TYW1: variants seen among roughly 807,000 people sequenced by gnomAD.
TYW1 encodes the protein S-adenosyl-L-methionine-dependent tRNA 4-demethylwyosine synthase TYW1.
In TYW1, 46 loss-of-function variants were observed where a neutral mutation model predicts 96.2. The ratio of observed to expected loss-of-function variants is 0.48; its 90% CI spans 0.38 to 0.61. The LOEUF (loss-of-function observed/expected upper bound fraction) is 0.61, where lower values mean the gene tolerates loss of function less well. Ranked by LOEUF, TYW1 falls within the 20% of genes least tolerant of loss-of-function variation. TYW1 has a pLI of 0.00. For synonymous variants in TYW1, 274 were observed against 323.0 expected, an observed-to-expected ratio of 0.85 and a Z score of 1.63; for missense variants, 684 against 909.6, an observed-to-expected ratio of 0.75 and a Z score of 3.19.
intron 13 of TYW1, among the ~76,000 whole-genome samples, chr7:67,179,946 C>T (rs1471992894): frequency 1.0e-5 from 1 of 100,454 alleles, no homozygotes; most frequent in Non-Finnish European, 2.1e-5. Context: ...CTCACGGCAG[C>T]CTCCACCTCC....
chr7:67,113,135 C>T (rs996870475), intron 12 of TYW1, among the ~76,000 whole-genome samples: 5 of 151,932 alleles, frequency 3.3e-5, no homozygotes, highest in African/African-American at 1.2e-4. Flanking sequence ...TGACTTTGAC[C>T]TTGTTACGTC....
Position 66,998,824 on chromosome 7 carries a change from ACTT to A in TYW1, c.144_146del (p.Asn48_Leu49delinsLys). On this transcript the variant is annotated inframe_deletion, in exon 3 of 16. Coordinates refer to ENST00000359626, the MANE Select transcript of TYW1 (RefSeq NM_018264.4). Reference sequence around the variant, plus strand: ...TAATTATTTGTCTTCAAGGGCAAGAACTTACAGGAAAAATCTGTTCCAAAAGCA... The same window carrying A: ...TAATTATTTGTCTTCAAGGGCAAGAAACAGGAAAAATCTGTTCCAAAAGCA... The A allele has an allele frequency of 1.2e-6, 2 of 1,614,072 alleles. No homozygotes were observed. Among genetic ancestry groups the A allele is most frequent in the East Asian group, 4.5e-5 (2 of 44,862 alleles).
chr7:67,211,150 T>TTGTGTGTGTGTGTGTG lies in TYW1; in HGVS notation c.1977+15839_1977+15854dup, dbSNP rs61112149. Among the ~76,000 whole-genome samples, 291 of 125,414 alleles carry TTGTGTGTGTGTGTGTG rather than the reference T, an allele frequency of 2.3e-3. 1 individual carries two copies. Among genetic ancestry groups the TTGTGTGTGTGTGTGTG allele is most frequent in the African/African-American group, 6.2e-3 (198 of 32,122 alleles). The allele number at this position is 125,414 out of a possible 152,430, so 82.3% of individuals were successfully genotyped here. Reference sequence around the variant, plus strand: ...TTACTTTGCCATACCCCCATCAACATTGTGTGTGTGTGTGTGTGTGTGTGT... The same window carrying TTGTGTGTGTGTGTGTG: ...TTACTTTGCCATACCCCCATCAACATTGTGTGTGTGTGTGTGTGTGTGTGTGTGTGTGTGTGTGTGT... On this transcript the variant is annotated intron_variant, in intron 15 of 15. Coordinates refer to ENST00000359626, the MANE Select transcript of TYW1 (RefSeq NM_018264.4).
intron 13 of TYW1, among the ~76,000 whole-genome samples, chr7:67,122,029 A>G (rs1414612194): frequency 2.6e-5 from 4 of 151,226 alleles, no homozygotes; most frequent in African/African-American, 9.8e-5. Context: ...ATCTTATACA[A>G]GAAAACGCTG....
At chr7:67,228,430 C>T (rs530107648) in intron 15 of TYW1, among the ~76,000 whole-genome samples, 1 of 152,190 alleles carries the variant, frequency 6.6e-6, no homozygotes, top group Non-Finnish European at 1.5e-5. Flanking sequence ...TACCTCCTAC[C>T]TGGTCCCTCC....
At chr7:67,206,661 A>G (rs1800811406) in intron 15 of TYW1, among the ~76,000 whole-genome samples, 1 of 141,400 alleles carries the variant, frequency 7.1e-6, no homozygotes. Flanking sequence ...ATAAATAAAT[A>G]AATAAAATGA....
intron 12 of TYW1, among the ~76,000 whole-genome samples, chr7:67,106,228 A>G (rs1180783918): frequency 2.6e-5 from 4 of 152,316 alleles, no homozygotes; most frequent in Non-Finnish European, 4.4e-5. Context: ...TTCATATGCA[A>G]TCCGCATTTT....
At position 67,034,294 on chromosome 7, in the gene TYW1, C is replaced by T. The variant is rs566891632; in HGVS notation, c.984+9272C>T. ...ATTTTTGTATTTTTTTTAGTACAGA[C>T]GGGGTTTTGCCATGTTGGCTGGGCT... On this transcript the variant is annotated intron_variant, in intron 7 of 15. Transcript: ENST00000359626. Among the ~76,000 whole-genome samples the T allele has an allele frequency of 9.2e-5, 14 of 151,788 alleles. 1 individual carries two copies. The highest frequency in any genetic ancestry group is 2.0e-4 in the East Asian group (1 of 5,122).
intron 15 of TYW1, among the ~76,000 whole-genome samples, chr7:67,233,541 C>T (rs1325823071): frequency 7.4e-6 from 1 of 134,248 alleles, no homozygotes; most frequent in East Asian, 2.0e-4. Flanking sequence ...TCATTTATGA[C>T]CTTTTGAGTT....
At chr7:67,092,585 T>G (rs1362367131) in intron 11 of TYW1, among the ~76,000 whole-genome samples, 1 of 152,002 alleles carries the variant, frequency 6.6e-6, no homozygotes, top group Non-Finnish European at 1.5e-5. Context: ...CCAGCCTGAT[T>G]GACAGGTCAG....
chr7:67,208,689 CAAAAA>C (rs10623787), intron 15 of TYW1, among the ~76,000 whole-genome samples: 1 of 76,220 alleles, frequency 1.3e-5, no homozygotes. Flanking sequence ...GACGCTGTCT[CAAAAA>C]AAAAAAAAAA....
intron 9 of TYW1, among the ~76,000 whole-genome samples, chr7:67,059,557 T>C (rs560412094): frequency 6.7e-6 from 1 of 150,138 alleles, no homozygotes; most frequent in African/African-American, 2.5e-5. Flanking sequence ...AAGCATTTTT[T>C]TGTATAAGGT....
At chr7:67,058,185 T>C (rs1375426018) in intron 9 of TYW1, among the ~76,000 whole-genome samples, 2 of 152,180 alleles carry the variant, frequency 1.3e-5, no homozygotes, top group Admixed American at 1.3e-4. Context: ...CTACCCGCCT[T>C]GGCCTCCCAA....
At chr7:67,236,984 C>G (rs1251753710) in intron 15 of TYW1, among the ~76,000 whole-genome samples, 1 of 152,136 alleles carries the variant, frequency 6.6e-6, no homozygotes, top group Admixed American at 6.5e-5. Context: ...CTCCCAGGTT[C>G]AAGCGATTCT....
chr7:67,002,343 T>C (rs1191570712), intron 3 of TYW1, among the ~76,000 whole-genome samples: 2 of 93,710 alleles, frequency 2.1e-5, no homozygotes, highest in Admixed American at 1.2e-4. Flanking sequence ...CATCTCAATA[T>C]TGGGCTAGGA....
chr7:67,092,674 CTTTTTTTTTTTT>C lies in TYW1; in HGVS notation c.1385-5852_1385-5841del, dbSNP rs3980762. 4.7e-3 allele frequency among the ~76,000 whole-genome samples: 436 copies of C among 92,454 alleles called. 2 individuals carry two copies. Among genetic ancestry groups the C allele is most frequent in the African/African-American group, 0.015 (390 of 25,402 alleles). The allele number at this position is 92,454 out of a possible 152,430, so 60.7% of individuals were successfully genotyped here. A position where few individuals can be genotyped will look rare whatever the true frequency, so the allele number is the denominator to read the frequency against. On this transcript the variant is annotated intron_variant, in intron 11 of 15. Coordinates refer to ENST00000359626, the MANE Select transcript of TYW1 (RefSeq NM_018264.4). ...TTCTTTTCCACGTGCCTATCACCTT[CTTTTTTTTTTTT>C]TTTTTTTTTTTTTTGAGACGGAATC...
At chr7:67,223,810 C>T (rs28373153) in intron 15 of TYW1, among the ~76,000 whole-genome samples, 37,619 of 147,862 alleles carry the variant, frequency 0.25, 5,289 homozygotes, top group African/African-American at 0.35. Context: ...GAGCTAAGAG[C>T]AGAGATTGAC....
At chr7:67,225,307 A>C (rs1801527185) in intron 15 of TYW1, among the ~76,000 whole-genome samples, 1 of 152,120 alleles carries the variant, frequency 6.6e-6, no homozygotes, top group African/African-American at 2.4e-5. Context: ...AGTACGTTGC[A>C]CAGACAAGGT....
intron 7 of TYW1, among the ~76,000 whole-genome samples, chr7:67,047,969 G>A (rs1216979069): frequency 1.3e-5 from 2 of 151,576 alleles, no homozygotes; most frequent in African/African-American, 4.8e-5. Context: ...TGTATTTTTA[G>A]TAGAGACAGG....
Sources: allele counts gnomAD v4.1 joint callset (sites outside exome capture counted in the v4.1 genomes callset), GRCh38; gene constraint gnomAD v4.1.1; transcripts MANE v1.5; gene names NCBI Gene and HGNC (gene_info 2026-07-23, HGNC 2026-07-21).